Variants in PCDHA3 observed in about 807,000 individuals in gnomAD.
PCDHA3 encodes protocadherin alpha 3.
PCDHA3 carries 41 observed loss-of-function variants against 62.2 expected under a neutral mutation model. The ratio of observed to expected loss-of-function variants is 0.66; its 90% CI spans 0.51 to 0.86. PCDHA3 has a LOEUF of 0.86. Ranked by LOEUF, PCDHA3 falls within the 40% of genes least tolerant of loss-of-function variation. The pLI is 0.00. For missense variants in PCDHA3, 1,304 were observed against 1,241.2 expected (o/e 1.05, Z -0.76); for synonymous variants, 640 against 555.4 (o/e 1.15, Z -2.14).
intron 3 of PCDHA3, among the ~76,000 whole-genome samples, chr5:140,993,585 G>T (rs2097574142): frequency 6.6e-6 from 1 of 151,526 alleles, no homozygotes; most frequent in Admixed American, 6.6e-5. Flanking sequence ...GCTTTTCTTG[G>T]CTTGGCTCCA....
chr5:140,846,373 C>CTTTTT (rs374699051), intron 1 of PCDHA3, among the ~76,000 whole-genome samples: 38 of 55,142 alleles, frequency 6.9e-4, no homozygotes, highest in East Asian at 1.7e-3. Context: ...TTCTTTCTTT[C>CTTTTT]TTTTTTTTTT....
rs149972776 is a variant in PCDHA3, at chr5:140,883,738, C to G, written c.2394+80147C>G. On this transcript the variant is annotated intron_variant, in intron 1 of 3. Transcript: ENST00000522353. The stretch of plus-strand genomic sequence containing the variant: ...CGGACGCACAGGAGAACGCGCTGGT[C>G]TCCTACTCGCTGGTGGAGCGGCGGG... 852 of 1,613,378 alleles carry G rather than the reference C, an allele frequency of 5.3e-4. 5 individuals carry two copies. In the African/African-American group the frequency reaches 9.2e-3, roughly 17 times the overall value.
chr5:140,949,457 T>C (rs1369576515), intron 1 of PCDHA3, among the ~76,000 whole-genome samples: 1 of 151,872 alleles, frequency 6.6e-6, no homozygotes, highest in Non-Finnish European at 1.5e-5. Flanking sequence ...TCATGTAATT[T>C]GAAGCCCTGT....
chr5:140,846,669 C>T (rs894601442), intron 1 of PCDHA3, among the ~76,000 whole-genome samples: 2 of 149,244 alleles, frequency 1.3e-5, no homozygotes, highest in Non-Finnish European at 3.0e-5. Flanking sequence ...CCACCGCGCC[C>T]AGCCTAAAAT....
At chr5:140,849,684 C>T (rs2150445118) in intron 1 of PCDHA3, 9 of 1,598,608 alleles carry the variant, frequency 5.6e-6, no homozygotes, top group African/African-American at 2.7e-5. Context: ...CCCCTTCAAG[C>T]TGGTGTCCAC....
At chr5:140,849,563 G>T (rs2150440707) in intron 1 of PCDHA3, 1 of 1,598,488 alleles carries the variant, frequency 6.3e-7, no homozygotes, top group Non-Finnish European at 8.6e-7. Context: ...AAACGCTCTC[G>T]GTTCCTGTAA....
intron 1 of PCDHA3, chr5:140,853,286 T>G: frequency 2.0e-6 from 2 of 981,814 alleles, no homozygotes; most frequent in Non-Finnish European, 2.5e-6. Flanking sequence ...CATATGCAAA[T>G]TCTCAGAAGG....
intron 1 of PCDHA3, among the ~76,000 whole-genome samples, chr5:140,921,213 G>A (rs759293646): frequency 1.3e-5 from 2 of 151,378 alleles, no homozygotes; most frequent in East Asian, 1.9e-4. Context: ...GATAATTCAC[G>A]TCTTTTTTGC....
intron 1 of PCDHA3, chr5:140,875,985 G>A (rs1351463699): frequency 4.3e-6 from 7 of 1,613,830 alleles, no homozygotes; most frequent in South Asian, 1.1e-5. Flanking sequence ...TGACCTATGC[G>A]TTAAGTCTAA....
At position 141,010,553 on chromosome 5, in the gene PCDHA3, C is replaced by T; in HGVS notation, c.*616C>T. ...CCACCCTCTAGGAGACAAAACTACC[C>T]CCACTGACAAGGCTTTAGGAGACCC... is the stretch of plus-strand genomic sequence containing the variant. On this transcript the variant is annotated 3_prime_UTR_variant, in exon 4 of 4. Transcript: ENST00000522353. The T allele has an allele frequency of 6.2e-6, 2 of 323,850 alleles. No homozygotes were observed. The highest frequency in any genetic ancestry group is 1.1e-5 in the Non-Finnish European group (2 of 176,368). 20.1% of individuals were successfully genotyped at this position (323,850 alleles called of 1,614,324 possible). A position where few individuals can be genotyped will look rare whatever the true frequency, so the allele number is the denominator to read the frequency against.
intron 1 of PCDHA3, among the ~76,000 whole-genome samples, chr5:140,922,818 C>T (rs530870255): frequency 6.6e-6 from 1 of 152,208 alleles, no homozygotes; most frequent in Admixed American, 6.5e-5. Flanking sequence ...GGAGATACAG[C>T]ATACTGCTAA....
In PCDHA3 at chr5:140,891,823, C is replaced by T. The variant is rs186209593; in HGVS notation, c.2395-87126C>T. On this transcript the variant is annotated intron_variant, in intron 1 of 3. Transcript: ENST00000522353. ...TGCCCTCATGAATAAATTAACGGCACTGTAAAAGGACTTGATGGAAGGAGC... is the reference window on the plus strand; with the variant it reads ...TGCCCTCATGAATAAATTAACGGCATTGTAAAAGGACTTGATGGAAGGAGC... Among the ~76,000 whole-genome samples, 1,217 of 152,254 alleles carry T rather than the reference C, an allele frequency of 8.0e-3. 6 individuals carry two copies. The highest frequency in any genetic ancestry group is 0.019 in the African/African-American group (784 of 41,536).
In PCDHA3 at chr5:140,875,510, G is replaced by T. The variant is rs186070067; in HGVS notation, c.2394+71919G>T. The stretch of plus-strand genomic sequence containing the variant: ...GGACCAAGAGGCCCGGGATCCCAGC[G>T]TCTGCTGCTCTCGCTTCTGCTCCTT... On this transcript the variant is annotated intron_variant, in intron 1 of 3. Transcript: ENST00000522353. 1.2e-5 allele frequency: 19 copies of T among 1,613,812 alleles called. No homozygotes were observed. Among genetic ancestry groups the T allele is most frequent in the Non-Finnish European group, 1.6e-5 (19 of 1,179,784 alleles).
chr5:140,932,710 C>T (rs2088563538), intron 1 of PCDHA3, among the ~76,000 whole-genome samples: 1 of 151,522 alleles, frequency 6.6e-6, no homozygotes, highest in African/African-American at 2.4e-5. Context: ...ATAGACAACA[C>T]AATAATATTG....
chr5:140,861,503 C>G, intron 1 of PCDHA3: 1 of 478,536 alleles, frequency 2.1e-6, no homozygotes, highest in African/African-American at 2.0e-5. Flanking sequence ...TGATAGACCT[C>G]GAGGAGCTGT....
intron 1 of PCDHA3, chr5:140,856,703 C>A (rs1413055800): frequency 1.9e-6 from 3 of 1,596,568 alleles, no homozygotes; most frequent in Admixed American, 1.7e-5. Context: ...TGGAGGCAAA[C>A]CTGAATTTAC....
At chr5:140,921,811 T>C (rs1484171257) in intron 1 of PCDHA3, among the ~76,000 whole-genome samples, 1 of 152,096 alleles carries the variant, frequency 6.6e-6, no homozygotes, top group Non-Finnish European at 1.5e-5. Context: ...ATAAGATACA[T>C]GTGTGAATAT....
intron 1 of PCDHA3, chr5:140,843,132 A>G (rs1365552111): frequency 6.3e-7 from 1 of 1,596,010 alleles, no homozygotes; most frequent in Non-Finnish European, 8.6e-7. Context: ...TCGGGCTACA[A>G]CGCGTGGCTT....
chr5:140,896,980 C>A (rs2065827913), intron 1 of PCDHA3, among the ~76,000 whole-genome samples: 1 of 152,032 alleles, frequency 6.6e-6, no homozygotes, highest in South Asian at 2.1e-4. Context: ...ACAAACAAAC[C>A]AGTTATGCTC....
Sources: allele counts gnomAD v4.1 joint callset (sites outside exome capture counted in the v4.1 genomes callset), GRCh38; gene constraint gnomAD v4.1.1; transcripts MANE v1.5; gene names NCBI Gene and HGNC (gene_info 2026-07-23, HGNC 2026-07-21).